Variants in GRIN2A observed in about 807,000 individuals in gnomAD.
GRIN2A encodes the protein glutamate ionotropic receptor NMDA type subunit 2A.
In GRIN2A, 22 loss-of-function variants were observed where a neutral mutation model predicts 113.4. That is an observed-to-expected ratio of 0.19 (90% CI 0.14 to 0.28). The LOEUF (loss-of-function observed/expected upper bound fraction) is 0.28. Ranked by LOEUF, GRIN2A falls within the 10% of genes least tolerant of loss-of-function variation. GRIN2A has a pLI of 1.00. For synonymous variants in GRIN2A, 827 were observed against 738.4 expected (o/e 1.12, Z -1.94); for missense variants, 1,502 against 1,887.0 (o/e 0.80, Z 3.78).
chr16:9,849,758 G>C lies in GRIN2A; in HGVS notation c.1326C>G (p.Ile442Met), dbSNP rs2042847762. The change falls in exon 5 of 13, where the codon ATC becomes ATG. Residue 442 changes from isoleucine to methionine, a missense_variant and splice_region_variant. Ile to Met is a conservative substitution (Grantham distance 10, BLOSUM62 1). Around this residue, in one of 7 missense-constraint regions of GRIN2A, gnomAD observed 334 missense variants for 403.0 expected, o/e 0.83. Coordinates refer to ENST00000330684, the MANE Select transcript of GRIN2A (RefSeq NM_001134407.3). Reference protein sequence around the residue: ...NTVPCRKFVKINNSTNEGMNV... With the variant: ...NTVPCRKFVKMNNSTNEGMNV... ...GTGACAGCATTCCTGCCACTCACTT[G>C]ATTTTGACGAACTTCCGACATGGCA... 6.2e-7 allele frequency: 1 copy of C among 1,613,100 alleles called. No individual in the cohort carries two copies. The highest frequency in any genetic ancestry group is 8.5e-7 in the Non-Finnish European group (1 of 1,179,062).
chr16:10,152,569 T>C (rs1208576038), intron 2 of GRIN2A, among the ~76,000 whole-genome samples: 1 of 152,180 alleles, frequency 6.6e-6, no homozygotes, highest in Non-Finnish European at 1.5e-5. Flanking sequence ...TCAGCTGATT[T>C]TTCTCTAGCT....
chr16:10,034,934 T>C (rs547666585), intron 2 of GRIN2A, among the ~76,000 whole-genome samples: 14 of 152,340 alleles, frequency 9.2e-5, no homozygotes, highest in African/African-American at 3.4e-4. Flanking sequence ...CAGTAATCTT[T>C]CTAAAACTCT....
chr16:10,113,356 G>A (rs2048661825), intron 2 of GRIN2A, among the ~76,000 whole-genome samples: 1 of 152,156 alleles, frequency 6.6e-6, no homozygotes, highest in Non-Finnish European at 1.5e-5. Context: ...GGAGGTCTCT[G>A]CCCCCTTCCC....
upstream of GRIN2A, chr16:10,182,828 C>T (rs937354304): frequency 3.9e-5 from 6 of 152,534 alleles, no homozygotes; most frequent in African/African-American, 1.2e-4. Flanking sequence ...GGCAACTGCC[C>T]GGTCCTCTGA....
intron 2 of GRIN2A, among the ~76,000 whole-genome samples, chr16:10,114,052 C>T (rs958051188): frequency 6.6e-6 from 1 of 151,920 alleles, no homozygotes; most frequent in Non-Finnish European, 1.5e-5. Flanking sequence ...ATTAGCCATG[C>T]ATGGTGGTGT....
intron 2 of GRIN2A, among the ~76,000 whole-genome samples, chr16:10,014,891 T>C (rs1036879728): frequency 3.3e-5 from 5 of 152,118 alleles, no homozygotes; most frequent in Non-Finnish European, 7.4e-5. Flanking sequence ...AAAAAAAATT[T>C]AGCATCTACA....
At chr16:10,010,062 C>A (rs145456337) in intron 2 of GRIN2A, among the ~76,000 whole-genome samples, 1 of 152,242 alleles carries the variant, frequency 6.6e-6, no homozygotes, top group African/African-American at 2.4e-5. Flanking sequence ...GAAACAAGCA[C>A]GACTGTGAAT....
chr16:10,163,372 CT>C (rs962068385), intron 2 of GRIN2A, among the ~76,000 whole-genome samples: 1 of 152,184 alleles, frequency 6.6e-6, no homozygotes, highest in Non-Finnish European at 1.5e-5. Context: ...GCTCTCAGCC[CT>C]ACCTCCCTTT....
chr16:10,178,671 T>C (rs994040239), intron 2 of GRIN2A, among the ~76,000 whole-genome samples: 8 of 152,222 alleles, frequency 5.3e-5, no homozygotes, highest in Non-Finnish European at 1.0e-4. Flanking sequence ...ACTGCATCAA[T>C]TGTGTGCTAC....
chr16:9,898,983 C>T (rs1225599573), intron 3 of GRIN2A, among the ~76,000 whole-genome samples: 2 of 152,062 alleles, frequency 1.3e-5, no homozygotes, highest in African/African-American at 2.4e-5. Flanking sequence ...ACTCATCCAC[C>T]TCCTCCTTCT....
intron 4 of GRIN2A, among the ~76,000 whole-genome samples, chr16:9,872,647 A>C (rs2043288252): frequency 6.6e-6 from 1 of 152,212 alleles, no homozygotes; most frequent in African/African-American, 2.4e-5. Flanking sequence ...TTAGCCATAA[A>C]AAAGAATCCA....
In GRIN2A at chr16:10,096,500, T is replaced by C. The variant is rs543762880; in HGVS notation, c.414+83498A>G. Among the ~76,000 whole-genome samples the C allele has an allele frequency of 5.3e-5, 8 of 151,220 alleles. No individual in the cohort carries two copies. In the South Asian group the frequency reaches 1.7e-3, roughly 32 times the overall value. Reference sequence around the variant, plus strand: ...TCTATATTGATTCTCAGGTAACTAATAGTGTTCTTCTTTTTCAATTTTTTT... The same window carrying C: ...TCTATATTGATTCTCAGGTAACTAACAGTGTTCTTCTTTTTCAATTTTTTT... On this transcript the variant is annotated intron_variant, in intron 2 of 12. Transcript: ENST00000330684.
intron 2 of GRIN2A, among the ~76,000 whole-genome samples, chr16:9,990,220 T>C (rs984382779): frequency 2.6e-5 from 4 of 152,186 alleles, no homozygotes; most frequent in Non-Finnish European, 5.9e-5. Context: ...AGTGAAATCA[T>C]GTCCTTTCCA....
Position 9,840,697 on chromosome 16 carries a change from C to T in GRIN2A, c.1601G>A (p.Ser534Asn), listed in dbSNP as rs1481850778. The change falls in exon 7 of 13, where the codon AGT (serine) becomes AAT (asparagine). Residue 534 changes from serine to asparagine, a missense_variant. Coordinates refer to ENST00000330684, the MANE Select transcript of GRIN2A (RefSeq NM_001134407.3). ...FSVPFVETGI[S>N]VMVSRSNGTV... Reference sequence around the variant, plus strand: ...GCCATTACTTCTTGAAACCATGACACTGATTCCCGTTTCCACAAAGGGCAC... The same window carrying T: ...GCCATTACTTCTTGAAACCATGACATTGATTCCCGTTTCCACAAAGGGCAC... 1 of 1,613,494 alleles carries T rather than the reference C, an allele frequency of 6.2e-7. No homozygotes were observed.
chr16:9,936,968 G>A (rs1356601189), intron 3 of GRIN2A, among the ~76,000 whole-genome samples: 2 of 151,968 alleles, frequency 1.3e-5, no homozygotes, highest in East Asian at 3.9e-4. Flanking sequence ...CATGAATTAG[G>A]ACCCAAAAAT....
chr16:9,887,711 A>G (rs1295272598), intron 4 of GRIN2A, among the ~76,000 whole-genome samples: 3 of 152,130 alleles, frequency 2.0e-5, no homozygotes, highest in Non-Finnish European at 4.4e-5. Flanking sequence ...AAATTGCTGG[A>G]TAAGATTTGT....
At chr16:9,767,212 T>C (rs180870273) in intron 12 of GRIN2A, among the ~76,000 whole-genome samples, 1 of 152,204 alleles carries the variant, frequency 6.6e-6, no homozygotes, top group Admixed American at 6.5e-5. Flanking sequence ...TTAGGAAATA[T>C]GTATTTGCAC....
chr16:10,172,809 A>T (rs1412800445), intron 2 of GRIN2A, among the ~76,000 whole-genome samples: 1 of 152,242 alleles, frequency 6.6e-6, no homozygotes, highest in Non-Finnish European at 1.5e-5. Context: ...GGGATGCAGG[A>T]CAAACAAAAG....
intron 10 of GRIN2A, among the ~76,000 whole-genome samples, chr16:9,815,838 C>CA (rs1443232702): frequency 6.6e-6 from 1 of 152,266 alleles, no homozygotes; most frequent in East Asian, 1.9e-4. Context: ...AAGCATGATT[C>CA]AAAATAGTTA....
Sources: gnomAD v4.1 joint callset for allele counts (sites outside exome capture counted in the v4.1 genomes callset) on GRCh38, gnomAD v4.1.1 for gene constraint, gnomAD v4.1.1 regional missense constraint, MANE v1.5 for transcripts, NCBI Gene and HGNC (gene_info 2026-07-23, HGNC 2026-07-21) for gene names.